TKT: variants seen among roughly 807,000 people sequenced by gnomAD.
The protein encoded by TKT is transketolase.
A neutral mutation model predicts 63.9 loss-of-function variants in TKT; 47 were observed. That is an observed-to-expected ratio of 0.74 (90% CI 0.58 to 0.94). The LOEUF is 0.94. TKT is among the 40% of genes least tolerant of loss of function. The probability of loss-of-function intolerance (pLI) is 0.00; values close to 1 mark genes in which losing one functional copy is unlikely to be tolerated. For missense variants in TKT, 721 were observed against 846.2 expected (o/e 0.85, Z 1.84); for synonymous variants, 338 against 334.1 (o/e 1.01, Z -0.13).
At chr3:53,226,336 A>C in intron 13 of TKT, 1 of 256,100 alleles carries the variant, frequency 3.9e-6, no homozygotes, top group Non-Finnish European at 7.6e-6. Context: ...CCCAGAGTCA[A>C]AGCCCATCTC....
intron 1 of TKT, among the ~76,000 whole-genome samples, chr3:53,247,227 G>GC (rs1705551794): frequency 6.7e-6 from 1 of 148,978 alleles, no homozygotes; most frequent in Non-Finnish European, 1.5e-5. Flanking sequence ...CATGGTGGTG[G>GC]GTGCCTGTAA....
intron 5 of TKT, chr3:53,233,511 T>C: frequency 2.3e-6 from 1 of 434,846 alleles, no homozygotes; most frequent in South Asian, 3.7e-5. Flanking sequence ...CAGGTTTTCC[T>C]CCTCCTCTTA....
chr3:53,233,079 A>G lies in TKT; in HGVS notation c.748+77T>C, dbSNP rs1704841186. 3 of 1,246,040 alleles carry G rather than the reference A, an allele frequency of 2.4e-6. No homozygotes were observed. In the Admixed American group the frequency reaches 5.6e-5, roughly 23 times the overall value. The allele number at this position is 1,246,040 out of a possible 1,614,324, so 77.2% of individuals were successfully genotyped here. A position where few individuals can be genotyped will look rare whatever the true frequency, so the allele number is the denominator to read the frequency against. ...TGAGCAGCAAGGGCTGTTTCCCTGGATGTGCGGGTCAGAGCTACGTAGCCA... is the reference window on the plus strand; with the variant it reads ...TGAGCAGCAAGGGCTGTTTCCCTGGGTGTGCGGGTCAGAGCTACGTAGCCA... On this transcript the variant is annotated intron_variant, in intron 6 of 13. Transcript: ENST00000462138.
At position 53,255,949 on chromosome 3, in the gene TKT, G is replaced by C. The variant is rs897169867; in HGVS notation, c.-7C>G. On this transcript the variant is annotated 5_prime_UTR_variant, in exon 1 of 14. Coordinates refer to ENST00000462138, the MANE Select transcript of TKT (RefSeq NM_001064.4). ...GCTTGTGGTAGCTCTCCATGGTGCG[G>C]CAGGCGGGGACCGGGCGCACACGCG... The C allele has an allele frequency of 2.0e-6, 3 of 1,510,870 alleles. No individual in the cohort carries two copies. The highest frequency in any genetic ancestry group is 2.7e-6 in the Non-Finnish European group (3 of 1,125,102). The allele number at this position is 1,510,870 out of a possible 1,614,324, so 93.6% of individuals were successfully genotyped here. A position where few individuals can be genotyped will look rare whatever the true frequency, so the allele number is the denominator to read the frequency against.
chr3:53,245,387 ATC>A (rs1364154143), intron 1 of TKT, among the ~76,000 whole-genome samples: 13 of 151,902 alleles, frequency 8.6e-5, no homozygotes, highest in Non-Finnish European at 1.8e-4. Flanking sequence ...GGCCAGGAGA[ATC>A]TCTGTCATCG....
Position 53,233,182 on chromosome 3 carries a change from T to C in TKT, c.722A>G (p.Lys241Arg), listed in dbSNP as rs781945558. The C allele has an allele frequency of 2.5e-6, 4 of 1,613,990 alleles. No individual in the cohort carries two copies. The highest frequency in any genetic ancestry group is 1.7e-5 in the Admixed American group (1 of 60,006). Residue 241 changes from lysine to arginine, a missense_variant, in exon 6 of 14, where the codon AAG becomes AGG. By Grantham distance (26) the Lys-to-Arg change is conservative. Transcript: ENST00000462138. ...CGTGATCCCTCGGCCCTTGAAGGTC[T>C]TGGCAATGATGGCTGTTGGCTGGTG... ...AKHQPTAIIAKTFKGRGITGV... is the reference protein window; with the variant it reads ...AKHQPTAIIARTFKGRGITGV...
chr3:53,255,495 G>A (rs1553682136), intron 1 of TKT, among the ~76,000 whole-genome samples: 2 of 152,196 alleles, frequency 1.3e-5, no homozygotes. Context: ...GGCCTTCCCG[G>A]CATCACCCTA....
intron 12 of TKT, 67 bp from the exon 13 acceptor site, chr3:53,226,945 C>T (rs1704527339): frequency 6.5e-7 from 1 of 1,535,656 alleles, no homozygotes; most frequent in African/African-American, 1.4e-5. Context: ...CTGGTGGGGG[C>T]CTGGTGGGAC....
chr3:53,225,617 C>T lies in TKT; in HGVS notation c.*139G>A. On this transcript the variant is annotated 3_prime_UTR_variant, in exon 14 of 14. Transcript: ENST00000462138. The stretch of plus-strand genomic sequence containing the variant: ...CCCCAGAACCTGCACTGGCTGCAAA[C>T]ACATCAAAAAAGAAAACATTTCAGG... 1 of 1,081,390 alleles carries T rather than the reference C, an allele frequency of 9.2e-7. No individual in the cohort carries two copies. The highest frequency in any genetic ancestry group is 1.3e-6 in the Non-Finnish European group (1 of 775,314). The allele number at this position is 1,081,390 out of a possible 1,614,324, so 67.0% of individuals were successfully genotyped here.
intron 4 of TKT, among the ~76,000 whole-genome samples, chr3:53,237,495 T>TACACAC (rs3075727): frequency 0.072 from 10,480 of 144,796 alleles, 427 homozygotes; most frequent in East Asian, 0.18. Context: ...TTTTATATTA[T>TACACAC]ACACACACAC....
chr3:53,234,206 C>T (rs1704903552), intron 5 of TKT: 1 of 152,332 alleles, frequency 6.6e-6, no homozygotes, highest in Non-Finnish European at 1.5e-5. Flanking sequence ...CATCAGGGAA[C>T]ACAGGCCTGC....
At position 53,229,257 on chromosome 3, in the gene TKT, G is replaced by A. The variant is rs368663846; in HGVS notation, c.1264+23C>T. 1.1e-5 allele frequency: 17 copies of A among 1,613,788 alleles called. No homozygotes were observed. In the African/African-American group the frequency reaches 1.9e-4, roughly 18 times the overall value. On this transcript the variant is annotated intron_variant, in intron 9 of 13. Transcript: ENST00000462138. ...TGCAAAAGTCAAGGGAGCTCCAGGT[G>A]TAAACACCCTGGCTAAACTCACCGA...
intron 1 of TKT, among the ~76,000 whole-genome samples, chr3:53,245,588 C>T (rs766290932): frequency 6.6e-6 from 1 of 152,148 alleles, no homozygotes; most frequent in Non-Finnish European, 1.5e-5. Context: ...GCTCAAAGAC[C>T]AGCCTGGCCA....
At chr3:53,248,852 T>C (rs1318560762) in intron 1 of TKT, among the ~76,000 whole-genome samples, 2 of 152,200 alleles carry the variant, frequency 1.3e-5, no homozygotes, top group East Asian at 3.8e-4. Flanking sequence ...AAGAGATCTT[T>C]TAGGAGATGT....
At chr3:53,243,424 GAGCT>G (rs1705371505) in intron 1 of TKT, among the ~76,000 whole-genome samples, 1 of 152,096 alleles carries the variant, frequency 6.6e-6, no homozygotes, top group Non-Finnish European at 1.5e-5. Flanking sequence ...GCACCATCTG[GAGCT>G]CACGCCGCCA....
intron 4 of TKT, among the ~76,000 whole-genome samples, chr3:53,238,096 C>A (rs1553679099): frequency 6.6e-6 from 1 of 152,160 alleles, no homozygotes; most frequent in African/African-American, 2.4e-5. Flanking sequence ...CTGGCCCCTT[C>A]CCCCAGGTAC....
At chr3:53,247,167 G>A (rs7630632) in intron 1 of TKT, among the ~76,000 whole-genome samples, 28 of 151,138 alleles carry the variant, frequency 1.9e-4, no homozygotes, top group Non-Finnish European at 3.5e-4. Flanking sequence ...GACCAGCTTG[G>A]CCAACAAGGT....
At chr3:53,235,260 T>C in intron 4 of TKT, 86 bp from the exon 5 acceptor site, 1 of 1,287,418 alleles carries the variant, frequency 7.8e-7, no homozygotes, top group South Asian at 1.6e-5. Flanking sequence ...GAGCCTGCAT[T>C]CTGGGTAAAG....
intron 1 of TKT, among the ~76,000 whole-genome samples, chr3:53,242,623 T>C (rs571076227): frequency 1.3e-5 from 2 of 152,234 alleles, no homozygotes; most frequent in East Asian, 3.9e-4. Context: ...TGCTGTCAGG[T>C]AGAACCCAGT....
Sources: gnomAD v4.1 joint callset for allele counts (sites outside exome capture counted in the v4.1 genomes callset) on GRCh38, gnomAD v4.1.1 for gene constraint, MANE v1.5 for transcripts, NCBI Gene and HGNC (gene_info 2026-07-23, HGNC 2026-07-21) for gene names.